MRM1: variants seen among roughly 807,000 people sequenced by gnomAD.
MRM1 encodes rRNA methyltransferase 1, mitochondrial.
MRM1 carries 24 observed loss-of-function variants against 25.0 expected under a neutral mutation model. That is an observed-to-expected ratio of 0.96 (90% confidence interval 0.69 to 1.35). The LOEUF is 1.35. MRM1 is among the 40% of genes most tolerant of loss of function. MRM1 has a pLI of 0.00. For missense variants in MRM1, 431 were observed against 464.1 expected, an observed-to-expected ratio of 0.93 and a Z score of 0.65; for synonymous variants, 188 against 199.2, an observed-to-expected ratio of 0.94 and a Z score of 0.47.
chr17:36,627,452 C>T, the MRM1 span, among the ~76,000 whole-genome samples: 2 of 152,198 alleles, frequency 1.3e-5, no homozygotes, highest in African/African-American at 4.8e-5. Flanking sequence ...GCCTGTTTCC[C>T]ATCCCTATCC....
chr17:36,601,610 G>T lies in MRM1; in HGVS notation c.-201G>T. ...ACCCGGAAGCGAGGGACCCACGTGG[G>T]AGCCTGGGAGCGGGTGGTCGTAGCT... is the stretch of plus-strand genomic sequence containing the variant. On this transcript the variant is annotated 5_prime_UTR_variant, in exon 1 of 5. Transcript: ENST00000614766. The T allele has an allele frequency of 2.0e-6, 1 of 501,038 alleles. No individual in the cohort carries two copies. 31.0% of individuals were successfully genotyped at this position (501,038 alleles called of 1,614,324 possible).
At chr17:36,606,890 C>T (rs1056338742) in intron 2 of MRM1, among the ~76,000 whole-genome samples, 3 of 145,842 alleles carry the variant, frequency 2.1e-5, no homozygotes, top group East Asian at 2.0e-4. Flanking sequence ...GGATTACAGG[C>T]GTGAGCTACT....
At chr17:36,610,438 TAGCC>T, downstream of MRM1, among the ~76,000 whole-genome samples, 1 of 152,280 alleles carries the variant, frequency 6.6e-6, no homozygotes, top group South Asian at 2.1e-4. Context: ...TTCACCGTGT[TAGCC>T]AGGATGGTCT....
At chr17:36,618,445 G>T in the MRM1 span, among the ~76,000 whole-genome samples, 1 of 152,122 alleles carries the variant, frequency 6.6e-6, no homozygotes, top group Non-Finnish European at 1.5e-5. Context: ...TAAACAGGGG[G>T]ACTGTAAACA....
the MRM1 span, among the ~76,000 whole-genome samples, chr17:36,618,147 G>A: frequency 5.7e-4 from 86 of 152,036 alleles, no homozygotes; most frequent in Admixed American, 5.6e-3. Context: ...AGGGGACCTG[G>A]GAGTGTGAGT....
the MRM1 span, among the ~76,000 whole-genome samples, chr17:36,619,955 G>A: frequency 6.6e-6 from 1 of 152,034 alleles, no homozygotes; most frequent in South Asian, 2.1e-4. Context: ...TTGTGATGTC[G>A]GGCATCTTTT....
In MRM1 at chr17:36,602,869, C is replaced by T. The variant is rs12602334; in HGVS notation, c.636+223C>T. On this transcript the variant is annotated intron_variant, in intron 2 of 4. Coordinates refer to ENST00000614766, the MANE Select transcript of MRM1 (RefSeq NM_024864.5). This position sits in a 1 kb window ranked among gnomAD's most constrained non-coding sequence, Gnocchi z 4.1. ...TTATACCCTTTCCTGCACCCCTTCC[C>T]CAGGTATGCACCACTTTGCCTCTTC... The T allele has an allele frequency of 5.3e-5, 48 of 898,898 alleles. No homozygotes were observed. The East Asian group carries it at 4.8e-3, about 89-fold the overall frequency. 55.7% of individuals were successfully genotyped at this position (898,898 alleles called of 1,614,324 possible).
intron 2 of MRM1, among the ~76,000 whole-genome samples, chr17:36,607,327 TTAGAA>T (rs1426533542): frequency 1.3e-5 from 2 of 152,008 alleles, no homozygotes; most frequent in Non-Finnish European, 2.9e-5. Context: ...ATTTGATGAA[TTAGAA>T]TAGGAGAGGC....
At chr17:36,608,203 C>T (rs1264049267) in intron 4 of MRM1, 40 bp from the exon 5 acceptor site, 2 of 1,533,172 alleles carry the variant, frequency 1.3e-6, no homozygotes, top group Non-Finnish European at 1.8e-6. Flanking sequence ...CATCATCCTT[C>T]TCCTCCGTCC....
At chr17:36,604,878 G>T (rs1252361906) in intron 2 of MRM1, among the ~76,000 whole-genome samples, 2 of 151,766 alleles carry the variant, frequency 1.3e-5, no homozygotes, top group Admixed American at 1.3e-4. Context: ...GGTGGCTCAC[G>T]CCTATAATCC....
chr17:36,617,084 CT>C, the MRM1 span, among the ~76,000 whole-genome samples: 1 of 151,968 alleles, frequency 6.6e-6, no homozygotes, highest in Non-Finnish European at 1.5e-5. Context: ...TGGGAGGCAC[CT>C]CCATCCAGTT....
In MRM1 at chr17:36,607,963, G is replaced by A. The variant is rs139313124; in HGVS notation, c.834G>A (p.Leu278=). The change falls in exon 4 of 5, where the codon CTG becomes CTA. Residue 278 remains leucine (L), a synonymous_variant. Transcript: ENST00000614766. ...CCTGCCAGCTTCTCCTCACCATCCT[G>A]CCCCGGCGCCAGCTGCCTCCTGGAC... The part of the protein sequence containing the change: ...QASCQLLLTI[L]PRRQLPPGLE... The A allele has an allele frequency of 1.2e-4, 199 of 1,614,134 alleles. 1 individual carries two copies. The African/African-American group carries it at 2.2e-3, about 18-fold the overall frequency.
rs199548537 is a variant in MRM1, at chr17:36,602,144, C to G, written c.334C>G (p.Arg112Gly). 3.0e-4 allele frequency: 484 copies of G among 1,613,038 alleles called. No homozygotes were observed. Among genetic ancestry groups the G allele is most frequent in the South Asian group, 1.1e-3 (97 of 91,068 alleles). The change falls in exon 1 of 5, where the codon CGC becomes GGC. Residue 112 changes from arginine (R) to glycine (G), a missense_variant. Physicochemically the swap from Arg to Gly is moderately radical, Grantham distance 125. Transcript: ENST00000614766. The surrounding 1 kb of genome is among the most constrained non-coding windows in gnomAD (Gnocchi z 4.1). ...ACGGCAGAAACTGGACACAATGTGC[C>G]GCTACCAGGTCCACCAGGGTGTCTG... Reference protein sequence around the residue: ...PRRQKLDTMCRYQVHQGVCME... With the variant: ...PRRQKLDTMCGYQVHQGVCME...
intron 3 of MRM1, 22 bp from the exon 4 acceptor site, chr17:36,607,877 C>T (rs2074945001): frequency 6.2e-7 from 1 of 1,612,992 alleles, no homozygotes; most frequent in Non-Finnish European, 8.5e-7. Context: ...GCAACCCTAA[C>T]CCTCAGCCCC....
Position 36,602,953 on chromosome 17 carries a change from G to C in MRM1, c.636+307G>C. 2.1e-5 allele frequency: 21 copies of C among 985,428 alleles called. No homozygotes were observed. Among genetic ancestry groups the C allele is most frequent in the Non-Finnish European group, 2.4e-5 (20 of 829,940 alleles). 61.0% of individuals were successfully genotyped at this position (985,428 alleles called of 1,614,324 possible). Reference sequence around the variant, plus strand: ...GGTCGGGCTTCAGTAAATGCATTTTGTTCAGCTGTGGGGAGCTGCGTACAG... The same window carrying C: ...GGTCGGGCTTCAGTAAATGCATTTTCTTCAGCTGTGGGGAGCTGCGTACAG... On this transcript the variant is annotated intron_variant, in intron 2 of 4. Transcript: ENST00000614766. The surrounding 1 kb of genome is among the most constrained non-coding windows in gnomAD (Gnocchi z 4.1).
At chr17:36,633,161 C>A in the MRM1 span, among the ~76,000 whole-genome samples, 3 of 152,186 alleles carry the variant, frequency 2.0e-5, no homozygotes, top group Admixed American at 6.5e-5. Flanking sequence ...CTTCAGAAAC[C>A]CTGAGGGGAA....
At chr17:36,620,497 G>A in the MRM1 span, among the ~76,000 whole-genome samples, 1 of 152,222 alleles carries the variant, frequency 6.6e-6, no homozygotes, top group Non-Finnish European at 1.5e-5. Flanking sequence ...GAGGCAAAAA[G>A]CAGCTCAATC....
downstream of MRM1, among the ~76,000 whole-genome samples, chr17:36,611,539 T>C (rs573975680): frequency 2.0e-5 from 3 of 152,282 alleles, no homozygotes; most frequent in South Asian, 6.2e-4. Flanking sequence ...GACTGGGCCA[T>C]GGGTTGCCCA....
downstream of MRM1, among the ~76,000 whole-genome samples, chr17:36,612,005 T>C (rs944258051): frequency 6.6e-6 from 1 of 152,216 alleles, no homozygotes; most frequent in Non-Finnish European, 1.5e-5. Context: ...TGAAAATGAA[T>C]GTAGGCGTCC....
Sources: gnomAD v4.1 joint callset for allele counts (sites outside exome capture counted in the v4.1 genomes callset) on GRCh38, gnomAD v4.1.1 for gene constraint, Gnocchi (gnomAD v3.1) non-coding constraint, MANE v1.5 for transcripts, NCBI Gene and HGNC (gene_info 2026-07-23, HGNC 2026-07-21) for gene names.